The following TMEM132B variants were observed in gnomAD, a reference collection of about 807,000 sequenced individuals.
The protein encoded by TMEM132B is transmembrane protein 132B.
TMEM132B carries 18 observed loss-of-function variants against 90.8 expected under a neutral mutation model. The ratio of observed to expected loss-of-function variants is 0.20; its 90% CI spans 0.14 to 0.29. The LOEUF is 0.29. Ranked by LOEUF, TMEM132B falls within the 10% of genes least tolerant of loss-of-function variation. TMEM132B has a pLI of 1.00. For synonymous variants in TMEM132B, 504 were observed against 523.3 expected, an observed-to-expected ratio of 0.96 and a Z score of 0.50; for missense variants, 1,096 against 1,326.8, an observed-to-expected ratio of 0.83 and a Z score of 2.70.
chr12:125,263,541 T>C (rs1162835843), intron 1 of TMEM132B, among the ~76,000 whole-genome samples: 1 of 152,202 alleles, frequency 6.6e-6, no homozygotes. Flanking sequence ...CTAGCACATG[T>C]GAGGTCTTCG....
chr12:125,317,512 CT>C (rs1262963793), intron 1 of TMEM132B, among the ~76,000 whole-genome samples: 1 of 152,018 alleles, frequency 6.6e-6, no homozygotes, highest in Non-Finnish European at 1.5e-5. Flanking sequence ...GGGGGCAGGA[CT>C]TTGGGCTTTG....
chr12:125,338,532 T>A (rs975262091), intron 1 of TMEM132B, among the ~76,000 whole-genome samples: 1 of 152,178 alleles, frequency 6.6e-6, no homozygotes, highest in African/African-American at 2.4e-5. Flanking sequence ...CTGCCTGGAG[T>A]GGGTGTCTCA....
At chr12:125,612,874 A>G (rs1362747046) in intron 5 of TMEM132B, among the ~76,000 whole-genome samples, 1 of 129,814 alleles carries the variant, frequency 7.7e-6, no homozygotes, top group African/African-American at 3.0e-5. Context: ...AAAAATATAT[A>G]TGATATATAT....
intron 3 of TMEM132B, among the ~76,000 whole-genome samples, chr12:125,427,276 A>G (rs1287261793): frequency 6.6e-6 from 1 of 152,154 alleles, no homozygotes; most frequent in Non-Finnish European, 1.5e-5. Flanking sequence ...TTTATTGGGC[A>G]CTACTGTGTG....
chr12:125,434,592 A>G (rs1479827913), intron 3 of TMEM132B, among the ~76,000 whole-genome samples: 1 of 152,120 alleles, frequency 6.6e-6, no homozygotes, highest in Non-Finnish European at 1.5e-5. Flanking sequence ...GCTCCCCACA[A>G]CACCTGATTC....
chr12:125,223,069 CA>C (rs1168484874), intron 1 of TMEM132B, among the ~76,000 whole-genome samples: 1 of 152,206 alleles, frequency 6.6e-6, no homozygotes, highest in African/African-American at 2.4e-5. Flanking sequence ...GTGATATTGG[CA>C]AATTGCCAGA....
At chr12:125,547,301 T>A (rs1037699530) in intron 4 of TMEM132B, among the ~76,000 whole-genome samples, 8 of 152,238 alleles carry the variant, frequency 5.3e-5, no homozygotes, top group Non-Finnish European at 1.2e-4. Flanking sequence ...TGTCAGCACA[T>A]GATATTGTCA....
chr12:125,229,333 G>C lies in TMEM132B; in HGVS notation c.67+42467G>C, dbSNP rs538530908. ...GAACTCTCGGCACTTTACTACATTA[G>C]AGCATACTTATATTTTGTGCCTGTG... On this transcript the variant is annotated intron_variant, in intron 1 of 8. Coordinates refer to ENST00000682704, the MANE Select transcript of TMEM132B (RefSeq NM_001366854.1). 2.0e-4 allele frequency among the ~76,000 whole-genome samples: 31 copies of C among 152,276 alleles called. No individual in the cohort carries two copies. In the East Asian group the frequency reaches 4.6e-3, roughly 23 times the overall value.
chr12:125,434,262 G>A (rs1241639805), intron 3 of TMEM132B, among the ~76,000 whole-genome samples: 7 of 152,292 alleles, frequency 4.6e-5, no homozygotes, highest in African/African-American at 1.4e-4. Flanking sequence ...AAGGACCAGT[G>A]TGGTCACATC....
rs1887159035 is a variant in TMEM132B at position 125,659,607 on chromosome 12, GGT to G, written c.*4906_*4907del. 1 of 152,288 alleles carries G rather than the reference GGT, an allele frequency of 6.6e-6. No individual in the cohort carries two copies. The allele number at this position is 152,288 out of a possible 1,614,324, so 9.4% of individuals were successfully genotyped here. Reference sequence around the variant, plus strand: ...CTAGAGGGGCTAGAGGCTCTCTGTTGGTGTGTGTGTATTTCTTGAAACTGCAG... The same window carrying G: ...CTAGAGGGGCTAGAGGCTCTCTGTTGGTGTGTGTATTTCTTGAAACTGCAG... On this transcript the variant is annotated 3_prime_UTR_variant, in exon 9 of 9. Coordinates refer to ENST00000682704, the MANE Select transcript of TMEM132B (RefSeq NM_001366854.1).
chr12:125,254,288 G>GA (rs966290971), intron 1 of TMEM132B, among the ~76,000 whole-genome samples: 119 of 144,990 alleles, frequency 8.2e-4, no homozygotes, highest in African/African-American at 2.3e-3. Context: ...CTCAAAAAAA[G>GA]AAAAAAAAAA....
At chr12:125,601,102 C>G (rs1303376482) in intron 5 of TMEM132B, among the ~76,000 whole-genome samples, 1 of 152,174 alleles carries the variant, frequency 6.6e-6, no homozygotes, top group African/African-American at 2.4e-5. Flanking sequence ...GAACTCAGCT[C>G]TGGATCAAGT....
intron 1 of TMEM132B, among the ~76,000 whole-genome samples, chr12:125,297,258 A>G (rs1450712207): frequency 6.6e-6 from 1 of 152,176 alleles, no homozygotes; most frequent in African/African-American, 2.4e-5. Flanking sequence ...TCATGTCCCG[A>G]GGCAGGCACA....
At chr12:125,343,123 T>C (rs1205902994) in intron 1 of TMEM132B, among the ~76,000 whole-genome samples, 1 of 152,192 alleles carries the variant, frequency 6.6e-6, no homozygotes, top group East Asian at 1.9e-4. Flanking sequence ...ACAGCTGTTA[T>C]TAATGAATGA....
intron 6 of TMEM132B, among the ~76,000 whole-genome samples, chr12:125,649,755 C>G (rs1055857722): frequency 6.6e-6 from 1 of 152,178 alleles, no homozygotes; most frequent in Non-Finnish European, 1.5e-5. Context: ...AAACAAAGCA[C>G]TCTCATAAAG....
intron 3 of TMEM132B, among the ~76,000 whole-genome samples, chr12:125,496,614 C>T (rs561881016): frequency 2.2e-4 from 34 of 152,208 alleles, no homozygotes; most frequent in African/African-American, 6.3e-4. Context: ...GAGGCAAATG[C>T]GGTGCATTGG....
intron 2 of TMEM132B, among the ~76,000 whole-genome samples, chr12:125,403,804 GA>G (rs1203844659): frequency 3.3e-5 from 5 of 152,174 alleles, no homozygotes; most frequent in African/African-American, 9.7e-5. Context: ...ACGTGATTAG[GA>G]GGGGGTTAAC....
rs200485633 is a variant in TMEM132B, at chr12:125,349,498, G to T, written c.114G>T (p.Ser38=). ...TGGATAGCCTGCAGAAGTTTTCCTC[G>T]CTCCCTGCTTACCTCCCCACGAACT... ...GIVDSLQKFS[S]LPAYLPTNLH... Residue 38 remains serine (S), a synonymous_variant, in exon 2 of 9, where the codon TCG becomes TCT. Coordinates refer to ENST00000682704, the MANE Select transcript of TMEM132B (RefSeq NM_001366854.1). This position sits in a 1 kb window ranked among gnomAD's most constrained non-coding sequence, Gnocchi z 4.1. 2 of 1,613,664 alleles carry T rather than the reference G, an allele frequency of 1.2e-6. No individual in the cohort carries two copies. Among genetic ancestry groups the T allele is most frequent in the South Asian group, 1.1e-5 (1 of 90,990 alleles).
chr12:125,587,732 A>T (rs1885213671), intron 5 of TMEM132B: 2 of 152,146 alleles, frequency 1.3e-5, no homozygotes, highest in Admixed American at 6.5e-5. Flanking sequence ...AAGGTGAGAT[A>T]TTTTTTGTAC....
Sources: gnomAD v4.1 joint callset for allele counts (sites outside exome capture counted in the v4.1 genomes callset) on GRCh38, gnomAD v4.1.1 for gene constraint, Gnocchi (gnomAD v3.1) non-coding constraint, MANE v1.5 for transcripts, NCBI Gene and HGNC (gene_info 2026-07-23, HGNC 2026-07-21) for gene names.